WNT9A: variants seen among roughly 807,000 people sequenced by gnomAD.
WNT9A encodes Wnt family member 9A.
WNT9A carries 8 observed loss-of-function variants against 31.4 expected under a neutral mutation model. That is an observed-to-expected ratio of 0.26 (90% CI 0.15 to 0.46). The LOEUF is 0.46. Ranked by LOEUF, WNT9A falls within the 20% of genes least tolerant of loss-of-function variation. The pLI is 0.99. For missense variants in WNT9A, 457 were observed against 522.9 expected, an observed-to-expected ratio of 0.87 and a Z score of 1.23; for synonymous variants, 236 against 220.1, an observed-to-expected ratio of 1.07 and a Z score of -0.64.
chr1:227,933,125 C>T (rs1666539361), intron 1 of WNT9A, among the ~76,000 whole-genome samples: 1 of 152,246 alleles, frequency 6.6e-6, no homozygotes, highest in African/African-American at 2.4e-5. Flanking sequence ...TGTTTCATTT[C>T]CGCTGAAGAT....
Position 227,944,942 on chromosome 1 carries a change from C to T in WNT9A, c.95+2851G>A, listed in dbSNP as rs570176275. Among the ~76,000 whole-genome samples the T allele has an allele frequency of 1.4e-4, 22 of 152,354 alleles. 1 individual carries two copies. The South Asian group carries it at 3.5e-3, about 24-fold the overall frequency. ...CCCTAAGGAAAGGGCTGCAAGGTGC[C>T]AGGGAGCCAGGCAGCCTAGCAGCCA... is the stretch of plus-strand genomic sequence containing the variant. On this transcript the variant is annotated intron_variant, in intron 1 of 3. Transcript: ENST00000272164.
intron 1 of WNT9A, among the ~76,000 whole-genome samples, chr1:227,939,322 C>T (rs1398385360): frequency 1.3e-5 from 2 of 152,182 alleles, no homozygotes; most frequent in Non-Finnish European, 2.9e-5. Flanking sequence ...GCAGAAGCTC[C>T]GTGGAGACCA....
In WNT9A at chr1:227,920,975, C is replaced by T. The variant is rs1053870887; in HGVS notation, c.*543G>A. 1 of 153,086 alleles carries T rather than the reference C, an allele frequency of 6.5e-6. No individual in the cohort carries two copies. The allele number at this position is 153,086 out of a possible 1,614,324, so 9.5% of individuals were successfully genotyped here. A position where few individuals can be genotyped will look rare whatever the true frequency, so the allele number is the denominator to read the frequency against. ...GAGGACCCCCGGCACCCTGCTCCAG[C>T]TGTACGCCCCGACGTGCTAGAAAAG... On this transcript the variant is annotated 3_prime_UTR_variant, in exon 4 of 4. Transcript: ENST00000272164.
intron 1 of WNT9A, among the ~76,000 whole-genome samples, chr1:227,933,512 A>C (rs1666543886): frequency 6.6e-6 from 1 of 152,230 alleles, no homozygotes; most frequent in African/African-American, 2.4e-5. Flanking sequence ...TTGCATTCAC[A>C]GCTTGGCTAA....
intron 1 of WNT9A, among the ~76,000 whole-genome samples, chr1:227,929,891 C>G (rs1443111911): frequency 6.6e-6 from 1 of 152,222 alleles, no homozygotes. Context: ...TGTCTATGAA[C>G]AAGGAAGTGA....
intron 1 of WNT9A, among the ~76,000 whole-genome samples, chr1:227,938,270 C>T (rs1201166949): frequency 2.7e-5 from 4 of 150,868 alleles, no homozygotes; most frequent in Admixed American, 1.3e-4. Context: ...CACCCCCATA[C>T]AAACCCATAA....
chr1:227,924,502 G>A lies in WNT9A; in HGVS notation c.353-102C>T. On this transcript the variant is annotated intron_variant, in intron 2 of 3. Transcript: ENST00000272164. ...CCAAGAGTATGAATCCCATGTTGGG[G>A]CTCAGAGCATCTTTCCTGGTGCTGC... is the stretch of plus-strand genomic sequence containing the variant. 4 of 1,456,754 alleles carry A rather than the reference G, an allele frequency of 2.7e-6. No homozygotes were observed. The South Asian group carries it at 5.5e-5, about 20-fold the overall frequency. 90.2% of individuals were successfully genotyped at this position (1,456,754 alleles called of 1,614,324 possible). A position where few individuals can be genotyped will look rare whatever the true frequency, so the allele number is the denominator to read the frequency against.
intron 1 of WNT9A, among the ~76,000 whole-genome samples, chr1:227,939,555 T>C (rs534774273): frequency 6.6e-6 from 1 of 152,246 alleles, no homozygotes; most frequent in Non-Finnish European, 1.5e-5. Context: ...CACCCCACAC[T>C]GCCAGGTCCC....
chr1:227,932,022 GA>G (rs1227923557), intron 1 of WNT9A, among the ~76,000 whole-genome samples: 25 of 152,224 alleles, frequency 1.6e-4, no homozygotes, highest in Admixed American at 2.6e-4. Context: ...CGCCCAGCCG[GA>G]AATTTCTTAA....
rs757354692 is a variant in WNT9A at position 227,926,259 on chromosome 1, C to T, written c.96-740G>A. On this transcript the variant is annotated intron_variant, in intron 1 of 3. Transcript: ENST00000272164. This position sits in a 1 kb window ranked among gnomAD's most constrained non-coding sequence, Gnocchi z 5.0. ...CTCTGAGCTGATGAACACCACCCTC[C>T]ATCTTTACACGAGGCCTTGCACCAG... 6.6e-6 allele frequency among the ~76,000 whole-genome samples: 1 copy of T among 152,120 alleles called. No individual in the cohort carries two copies. Among genetic ancestry groups the T allele is most frequent in the Non-Finnish European group, 1.5e-5 (1 of 68,000 alleles).
chr1:227,922,093 C>T, intron 3 of WNT9A, 93 bp from the exon 4 acceptor site: 4 of 1,495,026 alleles, frequency 2.7e-6, no homozygotes, highest in Non-Finnish European at 3.5e-6. Flanking sequence ...AGGGACCCCA[C>T]ACCCCCACCC....
Position 227,921,942 on chromosome 1 carries a change from G to A in WNT9A, c.674C>T (p.Thr225Met), listed in dbSNP as rs766456570. Residue 225 changes from threonine (T) to methionine (M), a missense_variant, in exon 4 of 4, where the codon ACG (threonine) becomes ATG (methionine). Transcript: ENST00000272164. Reference protein sequence around the residue: ...CKCHGVSGSCTVRTCWRQLAP... With the variant: ...CKCHGVSGSCMVRTCWRQLAP... ...CAACTGCCGCCAGCAGGTCCGCACC[G>A]TGCATGAGCCTGACACGCCGTGGCA... 18 of 1,612,824 alleles carry A rather than the reference G, an allele frequency of 1.1e-5. No individual in the cohort carries two copies. The highest frequency in any genetic ancestry group is 4.4e-5 in the South Asian group (4 of 91,082).
intron 1 of WNT9A, among the ~76,000 whole-genome samples, chr1:227,938,749 G>A (rs1358662931): frequency 1.3e-5 from 2 of 152,170 alleles, no homozygotes; most frequent in African/African-American, 2.4e-5. Context: ...TCTGAGTCTT[G>A]TGGGCCTGTT....
At chr1:227,940,056 A>G (rs146372317) in intron 1 of WNT9A, among the ~76,000 whole-genome samples, 203 of 152,278 alleles carry the variant, frequency 1.3e-3, no homozygotes, top group Middle Eastern at 0.01. Context: ...CTCGGGCCTG[A>G]GAGAAACACC....
chr1:227,924,242 T>C lies in WNT9A; in HGVS notation c.511A>G (p.Asn171Asp). 2 of 1,613,814 alleles carry C rather than the reference T, an allele frequency of 1.2e-6. No homozygotes were observed. Among genetic ancestry groups the C allele is most frequent in the South Asian group, 1.1e-5 (1 of 91,084 alleles). Residue 171 changes from asparagine (N) to aspartate (D), a missense_variant, in exon 3 of 4, where the codon AAC becomes GAC. Transcript: ENST00000272164. The part of the protein sequence containing the change: ...EAWQWGGCGD[N>D]LKYSSKFVKE... ...ACGAACTTGCTGCTGTACTTAAGGT[T>C]GTCTCCGCAGCCCCCCCACTGCCAG...
rs530730943 is a variant in WNT9A, at chr1:227,926,405, T to A, written c.96-886A>T. ...ACCTGCTGCTGCTGCTGGGCTCACT[T>A]CACAAGGCTTCCCTCACACCCCGCC... On this transcript the variant is annotated intron_variant, in intron 1 of 3. Transcript: ENST00000272164. The surrounding 1 kb of genome is among the most constrained non-coding windows in gnomAD (Gnocchi z 5.0). Among the ~76,000 whole-genome samples the A allele has an allele frequency of 1.3e-5, 2 of 152,062 alleles. No homozygotes were observed. Among genetic ancestry groups the A allele is most frequent in the Admixed American group, 6.5e-5 (1 of 15,294 alleles).
chr1:227,933,758 G>A (rs1343632043), intron 1 of WNT9A, among the ~76,000 whole-genome samples: 1 of 152,058 alleles, frequency 6.6e-6, no homozygotes, highest in Non-Finnish European at 1.5e-5. Context: ...AGTGGAGCAG[G>A]GTCAGGCTGC....
chr1:227,925,120 C>T lies in WNT9A; in HGVS notation c.352+143G>A, dbSNP rs1666393924. ...AGGGAGGTCCCGGGGCTGCCCTTTC[C>T]AGGGCCTAGGCCCAGGAGCTCTGGG... On this transcript the variant is annotated intron_variant, in intron 2 of 3. Coordinates refer to ENST00000272164, the MANE Select transcript of WNT9A (RefSeq NM_003395.4). The surrounding 1 kb of genome is among the most constrained non-coding windows in gnomAD (Gnocchi z 6.0). 7.6e-7 allele frequency: 1 copy of T among 1,312,856 alleles called. No homozygotes were observed. Among genetic ancestry groups the T allele is most frequent in the Admixed American group, 3.2e-5 (1 of 31,200 alleles). The allele number at this position is 1,312,856 out of a possible 1,614,324, so 81.3% of individuals were successfully genotyped here.
At position 227,926,808 on chromosome 1, in the gene WNT9A, C is replaced by T. The variant is rs1666427775; in HGVS notation, c.96-1289G>A. Among the ~76,000 whole-genome samples, 1 of 151,992 alleles carries T rather than the reference C, an allele frequency of 6.6e-6. No individual in the cohort carries two copies. Among genetic ancestry groups the T allele is most frequent in the Non-Finnish European group, 1.5e-5 (1 of 67,926 alleles). On this transcript the variant is annotated intron_variant, in intron 1 of 3. Transcript: ENST00000272164. The surrounding 1 kb of genome is among the most constrained non-coding windows in gnomAD (Gnocchi z 5.0). Reference sequence around the variant, plus strand: ...CCCCCCACACCCTCACATGGCCCTGCTAGACCCTGCCACCCACCCCGAGGG... The same window carrying T: ...CCCCCCACACCCTCACATGGCCCTGTTAGACCCTGCCACCCACCCCGAGGG...
Sources: allele counts gnomAD v4.1 joint callset (sites outside exome capture counted in the v4.1 genomes callset), GRCh38; gene constraint gnomAD v4.1.1; non-coding constraint Gnocchi (gnomAD v3.1); transcripts MANE v1.5; gene names NCBI Gene and HGNC (gene_info 2026-07-23, HGNC 2026-07-21).